The following SNX30 variants were observed in gnomAD, a reference collection of about 807,000 sequenced individuals.
SNX30 encodes the protein sorting nexin-30.
In SNX30, 24 loss-of-function variants were observed where a neutral mutation model predicts 46.4. The observed-to-expected ratio is 0.52, with a 90% CI of 0.37 to 0.73. SNX30 has a LOEUF of 0.73. SNX30 is among the 30% of genes least tolerant of loss of function. The pLI, the probability that SNX30 is intolerant of heterozygous loss-of-function variation, is 0.00. For missense variants in SNX30, 533 were observed against 555.7 expected (o/e 0.96, Z 0.41); for synonymous variants, 189 against 211.5 (o/e 0.89, Z 0.92).
chr9:112,811,344 A>G (rs1305819397), intron 2 of SNX30, among the ~76,000 whole-genome samples: 2 of 152,138 alleles, frequency 1.3e-5, no homozygotes. Flanking sequence ...GATAAAGACC[A>G]CGTCTCTCTG....
rs760991221 is a variant in SNX30, at chr9:112,846,510, A to G, written c.1015-4349A>G. Among the ~76,000 whole-genome samples, 5 of 152,230 alleles carry G rather than the reference A, an allele frequency of 3.3e-5. No individual in the cohort carries two copies. In the South Asian group the frequency reaches 8.3e-4, roughly 25 times the overall value. On this transcript the variant is annotated intron_variant, in intron 6 of 8. Transcript: ENST00000374232. ...TTTAACCAGAGCTAGTGATATCACC[A>G]GTACCAGATCAGACTCATTTTCCTG...
chr9:112,763,864 AATT>A (rs1458170566), intron 1 of SNX30, among the ~76,000 whole-genome samples: 3 of 151,934 alleles, frequency 2.0e-5, no homozygotes, highest in Non-Finnish European at 4.4e-5. Context: ...AAAAAAAAAA[AATT>A]ATTTGTTTAA....
chr9:112,880,096 T>C (rs1841559167), exon 5 of SNX30: 1 of 289,628 alleles, frequency 3.5e-6, no homozygotes, highest in Admixed American at 4.9e-5. Context: ...TTTGGGAGGT[T>C]GAGGCAGGTG....
chr9:112,759,032 CT>C (rs983879098), intron 1 of SNX30, among the ~76,000 whole-genome samples: 1 of 151,458 alleles, frequency 6.6e-6, no homozygotes, highest in Non-Finnish European at 1.5e-5. Flanking sequence ...CATCTGGTGC[CT>C]TTTTTTTGTG....
chr9:112,850,786 A>G (rs1841011189), intron 6 of SNX30, 73 bp from the exon 7 acceptor site: 1 of 1,137,932 alleles, frequency 8.8e-7, no homozygotes, highest in African/African-American at 1.5e-5. Flanking sequence ...GGGGGAAAAG[A>G]AGCAATTGCC....
intron 1 of SNX30, among the ~76,000 whole-genome samples, chr9:112,781,357 G>A: frequency 6.6e-6 from 1 of 152,016 alleles, no homozygotes. Context: ...CTATTTTCAT[G>A]TATGTTCAAA....
chr9:112,847,054 A>T (rs1840949196), intron 6 of SNX30, among the ~76,000 whole-genome samples: 2 of 152,178 alleles, frequency 1.3e-5, no homozygotes, highest in Non-Finnish European at 2.9e-5. Context: ...ACTCTTCCAA[A>T]CATTTTGTCA....
intron 3 of SNX30, among the ~76,000 whole-genome samples, chr9:112,818,213 T>G (rs2131422733): frequency 6.6e-6 from 1 of 151,444 alleles, no homozygotes; most frequent in South Asian, 2.1e-4. Flanking sequence ...TTTTTTTTTT[T>G]TTTTTTGAGA....
At chr9:112,857,343 C>G (rs1394528581) in intron 7 of SNX30, among the ~76,000 whole-genome samples, 2 of 152,182 alleles carry the variant, frequency 1.3e-5, no homozygotes, top group African/African-American at 4.8e-5. Flanking sequence ...CAGACTTGAC[C>G]CTGTATCAGT....
At chr9:112,751,211 G>A (rs1419498489) in intron 1 of SNX30, 54 bp downstream of exon 1, 5 of 1,353,844 alleles carry the variant, frequency 3.7e-6, no homozygotes, top group East Asian at 2.9e-5. Flanking sequence ...CCGTGGGGGG[G>A]ATGATGGATC....
chr9:112,867,869 C>T (rs981774464), intron 8 of SNX30, among the ~76,000 whole-genome samples: 7 of 152,134 alleles, frequency 4.6e-5, no homozygotes, highest in Non-Finnish European at 8.8e-5. Flanking sequence ...TCCTCCTCCA[C>T]CCCTGGGGCT....
intron 6 of SNX30, among the ~76,000 whole-genome samples, chr9:112,838,903 T>G (rs10981521): frequency 0.17 from 26,533 of 151,984 alleles, 3,121 homozygotes; most frequent in African/African-American, 0.34. Flanking sequence ...AAAAGTTTGG[T>G]AAGAAATTCT....
In SNX30 at chr9:112,763,360, CTTTTTTTTTTT is replaced by C. The variant is rs751720343; in HGVS notation, c.156+12221_156+12231del. Among the ~76,000 whole-genome samples the C allele has an allele frequency of 3.2e-3, 152 of 47,588 alleles. 4 individuals are homozygous for C. The highest frequency in any genetic ancestry group is 0.013 in the African/African-American group (131 of 10,470). The allele number at this position is 47,588 out of a possible 152,430, so 31.2% of individuals were successfully genotyped here. A position where few individuals can be genotyped will look rare whatever the true frequency, so the allele number is the denominator to read the frequency against. Reference sequence around the variant, plus strand: ...TGTATGGTGTGCCTTGCTATTTAAACTTTTTTTTTTTTTTTTTTTTTTTTTTTTGGTGTGTG... The same window carrying C: ...TGTATGGTGTGCCTTGCTATTTAAACTTTTTTTTTTTTTTTTTGGTGTGTG... On this transcript the variant is annotated intron_variant, in intron 1 of 8. Transcript: ENST00000374232.
chr9:112,861,837 G>A (rs527289548), intron 7 of SNX30, among the ~76,000 whole-genome samples: 2 of 152,308 alleles, frequency 1.3e-5, no homozygotes, highest in South Asian at 2.1e-4. Context: ...AGCCGCCTCA[G>A]TGCTGTTTCC....
chr9:112,883,111 A>G (rs1178601113), downstream of SNX30, among the ~76,000 whole-genome samples: 1 of 152,224 alleles, frequency 6.6e-6, no homozygotes, highest in East Asian at 1.9e-4. Context: ...TAGTGAGAGC[A>G]GCTCTGGTGG....
intron 1 of SNX30, among the ~76,000 whole-genome samples, chr9:112,759,086 G>A (rs1303743324): frequency 1.3e-5 from 2 of 151,954 alleles, no homozygotes; most frequent in Admixed American, 6.6e-5. Flanking sequence ...GGCTGGTCTC[G>A]AACTCCTGGC....
At chr9:112,878,174 T>C (rs1841538127), downstream of SNX30, 1 of 152,294 alleles carries the variant, frequency 6.6e-6, no homozygotes, top group South Asian at 2.1e-4. Flanking sequence ...GTGTTCCTGC[T>C]TAACACCTTC....
chr9:112,769,692 C>T (rs1005803414), intron 1 of SNX30, among the ~76,000 whole-genome samples: 4 of 152,158 alleles, frequency 2.6e-5, no homozygotes, highest in African/African-American at 9.7e-5. Context: ...CTGATATGGC[C>T]TCTCTTCATC....
chr9:112,775,587 T>TGTGTGTGTGTGTGTG (rs58226344), intron 1 of SNX30, among the ~76,000 whole-genome samples: 1 of 142,106 alleles, frequency 7.0e-6, no homozygotes, highest in African/African-American at 2.6e-5. Context: ...TGTGTGTGTG[T>TGTGTGTGTGTGTGTG]AGGCAATGCA....
Sources: gnomAD v4.1 joint callset for allele counts (sites outside exome capture counted in the v4.1 genomes callset) on GRCh38, gnomAD v4.1.1 for gene constraint, MANE v1.5 for transcripts, NCBI Gene and HGNC (gene_info 2026-07-23, HGNC 2026-07-21) for gene names.